The following GPHN variants were observed in gnomAD, a reference collection of about 807,000 sequenced individuals.
GPHN encodes the protein gephyrin.
In GPHN, 17 loss-of-function variants were observed where a neutral mutation model predicts 95.5. The observed-to-expected ratio is 0.18, with a 90% CI of 0.12 to 0.27. GPHN has a LOEUF of 0.27. Among genes scored for constraint, GPHN ranks in the 10% least tolerant of loss-of-function variants. GPHN has a pLI of 1.00. For missense variants in GPHN, 660 were observed against 978.1 expected (o/e 0.67, Z 4.34); for synonymous variants, 320 against 322.5 (o/e 0.99, Z 0.08).
At chr14:66,844,469 T>C (rs1401650323) in intron 4 of GPHN, among the ~76,000 whole-genome samples, 3 of 152,116 alleles carry the variant, frequency 2.0e-5, no homozygotes, top group African/African-American at 7.2e-5. Context: ...TGCATGCATA[T>C]GTGTATATAG....
At chr14:66,786,344 T>C (rs1397283644) in intron 3 of GPHN, among the ~76,000 whole-genome samples, 1 of 152,008 alleles carries the variant, frequency 6.6e-6, no homozygotes, top group Admixed American at 6.6e-5. Flanking sequence ...CAAGATGAAA[T>C]AGACAATCTA....
In GPHN at chr14:66,580,711, G is replaced by A. The variant is rs144893219; in HGVS notation, c.64+72120G>A. The stretch of plus-strand genomic sequence containing the variant: ...CTGCCCAAAAAACAACCCAGGACCT[G>A]ATGCCTTTACTGGTGAATTCTACCA... On this transcript the variant is annotated intron_variant, in intron 1 of 22. Transcript: ENST00000478722. 3.9e-3 allele frequency among the ~76,000 whole-genome samples: 595 copies of A among 151,920 alleles called. 6 individuals carry two copies. Among genetic ancestry groups the A allele is most frequent in the African/African-American group, 0.014 (572 of 41,530 alleles).
At chr14:66,600,398 G>T (rs1027808057) in intron 1 of GPHN, among the ~76,000 whole-genome samples, 2 of 152,038 alleles carry the variant, frequency 1.3e-5, no homozygotes, top group Non-Finnish European at 2.9e-5. Context: ...GATTCTCACT[G>T]CTTGAAGTAG....
the GPHN span, among the ~76,000 whole-genome samples, chr14:67,201,202 G>C: frequency 3.3e-5 from 5 of 152,190 alleles, no homozygotes; most frequent in African/African-American, 1.2e-4. Context: ...GCTGAGGAGG[G>C]AGGATTGCTT....
chr14:67,655,071 G>A, the GPHN span, among the ~76,000 whole-genome samples: 3 of 146,668 alleles, frequency 2.0e-5, no homozygotes, highest in South Asian at 6.5e-4. Flanking sequence ...TGGGCACAGT[G>A]GCTCATGCCT....
the GPHN span, among the ~76,000 whole-genome samples, chr14:67,623,574 G>A: frequency 3.4e-5 from 4 of 118,412 alleles, no homozygotes; most frequent in Non-Finnish European, 4.8e-5. Flanking sequence ...ACGGAGTCTC[G>A]CTCTGTCACC....
At chr14:67,083,710 G>A (rs72715346) in intron 11 of GPHN, among the ~76,000 whole-genome samples, 7,816 of 152,222 alleles carry the variant, frequency 0.051, 220 homozygotes, top group Middle Eastern at 0.068. Flanking sequence ...GATAACGGAT[G>A]TAGACTGGCA....
chr14:67,657,598 G>GCACGCACACACACA, the GPHN span, among the ~76,000 whole-genome samples: 4 of 112,370 alleles, frequency 3.6e-5, no homozygotes, highest in African/African-American at 1.1e-4. Flanking sequence ...GCGCGCGCGT[G>GCACGCACACACACA]CACACACACA....
chr14:66,544,769 G>A (rs1284707806), intron 1 of GPHN, among the ~76,000 whole-genome samples: 1 of 151,900 alleles, frequency 6.6e-6, no homozygotes, highest in Non-Finnish European at 1.5e-5. Context: ...GGGTACTTGA[G>A]ATTAGGGAGT....
chr14:66,922,456 C>T (rs2066273189), intron 6 of GPHN, among the ~76,000 whole-genome samples: 1 of 152,034 alleles, frequency 6.6e-6, no homozygotes, highest in African/African-American at 2.4e-5. Context: ...AACATTGTAG[C>T]ACTGTAGTTC....
chr14:67,228,169 C>CAAAA, the GPHN span, among the ~76,000 whole-genome samples: 1 of 64,146 alleles, frequency 1.6e-5, no homozygotes, highest in African/African-American at 6.4e-5. Context: ...GACTTTGTCT[C>CAAAA]AAAAAAAAAA....
At chr14:67,395,438 C>T in the GPHN span, 1 of 1,613,894 alleles carries the variant, frequency 6.2e-7, no homozygotes, top group Non-Finnish European at 8.5e-7. Context: ...GAAGGAGTTT[C>T]TCAGGCTGTG....
At chr14:66,882,185 C>T (rs1470674716) in intron 5 of GPHN, among the ~76,000 whole-genome samples, 1 of 151,654 alleles carries the variant, frequency 6.6e-6, no homozygotes, top group East Asian at 1.9e-4. Context: ...TTAGTAGAAA[C>T]TTCTTAAAGA....
At chr14:66,885,838 T>TAAAAA (rs33968959) in intron 5 of GPHN, among the ~76,000 whole-genome samples, 1 of 137,870 alleles carries the variant, frequency 7.3e-6, no homozygotes, top group Non-Finnish European at 1.6e-5. Context: ...TATAACAATT[T>TAAAAA]AAAAAAAAAA....
the GPHN span, among the ~76,000 whole-genome samples, chr14:67,618,405 ACT>A: frequency 6.6e-6 from 1 of 151,876 alleles, no homozygotes; most frequent in Non-Finnish European, 1.5e-5. Context: ...ATAGGGTCTC[ACT>A]CTGTCACTCA....
chr14:66,927,613 GT>G (rs2066551019), intron 8 of GPHN, among the ~76,000 whole-genome samples: 1 of 152,036 alleles, frequency 6.6e-6, no homozygotes, highest in Non-Finnish European at 1.5e-5. Context: ...TCTTTGTCAT[GT>G]TCCAGATCTT....
the GPHN span, among the ~76,000 whole-genome samples, chr14:67,215,183 T>C: frequency 1.6e-3 from 247 of 152,266 alleles, no homozygotes; most frequent in African/African-American, 5.7e-3. Flanking sequence ...TGGCTTCTCC[T>C]GAAGCCCTAC....
chr14:67,225,958 TGTGTGCGCGCGC>T, the GPHN span, among the ~76,000 whole-genome samples: 37 of 130,106 alleles, frequency 2.8e-4, no homozygotes, highest in South Asian at 9.4e-4. Context: ...TGTGTGTGTG[TGTGTGCGCGCGC>T]GCGCGTGCGC....
chr14:67,622,089 C>CAAAT, the GPHN span, among the ~76,000 whole-genome samples: 5 of 152,068 alleles, frequency 3.3e-5, no homozygotes, highest in South Asian at 4.1e-4. Flanking sequence ...GACTCCATCT[C>CAAAT]AAATAAATAA....
Sources: gnomAD v4.1 joint callset for allele counts (sites outside exome capture counted in the v4.1 genomes callset) on GRCh38, gnomAD v4.1.1 for gene constraint, MANE v1.5 for transcripts, NCBI Gene and HGNC (gene_info 2026-07-23, HGNC 2026-07-21) for gene names.